Variants in CCDC171 observed in about 807,000 individuals in gnomAD.
CCDC171 encodes the protein coiled-coil domain-containing protein 171.
In CCDC171, 177 loss-of-function variants were observed where a neutral mutation model predicts 168.2. The ratio of observed to expected loss-of-function variants is 1.05; its 90% CI spans 0.93 to 1.19. The LOEUF is 1.19. Among genes scored for constraint, CCDC171 ranks in the 50% most tolerant of loss-of-function variants. The pLI is 0.00. For synonymous variants in CCDC171, 687 were observed against 540.8 expected (o/e 1.27, Z -3.75); for missense variants, 1,991 against 1,539.0 (o/e 1.29, Z -4.91).
intron 25 of CCDC171, among the ~76,000 whole-genome samples, chr9:15,950,387 A>G (rs1589224024): frequency 6.6e-6 from 1 of 152,186 alleles, no homozygotes; most frequent in South Asian, 2.1e-4. Context: ...AGGTCGGGTT[A>G]CCCACAAGAG....
At chr9:15,727,793 C>G in intron 14 of CCDC171, 76 bp from the exon 15 acceptor site, 1 of 1,084,004 alleles carries the variant, frequency 9.2e-7, no homozygotes, top group Non-Finnish European at 1.3e-6. Flanking sequence ...ATTAACTCTT[C>G]ACCATTAGTA....
At chr9:15,843,849 C>G (rs1023358001) in intron 21 of CCDC171, among the ~76,000 whole-genome samples, 1 of 152,066 alleles carries the variant, frequency 6.6e-6, no homozygotes, top group Admixed American at 6.6e-5. Flanking sequence ...AGCAGAAGGG[C>G]TTTGGGTGCT....
At chr9:15,620,493 G>A (rs977759179) in intron 6 of CCDC171, among the ~76,000 whole-genome samples, 1 of 152,188 alleles carries the variant, frequency 6.6e-6, no homozygotes, top group Non-Finnish European at 1.5e-5. Context: ...CTGAAGATGT[G>A]ACTGAATTGC....
upstream of CCDC171, among the ~76,000 whole-genome samples, chr9:16,041,338 A>G (rs1362672341): frequency 6.6e-6 from 1 of 152,208 alleles, no homozygotes; most frequent in African/African-American, 2.4e-5. Flanking sequence ...ATGCAGAGGA[A>G]ATAAAATGAA....
chr9:15,629,446 A>G (rs1221600385), intron 7 of CCDC171, among the ~76,000 whole-genome samples: 1 of 152,226 alleles, frequency 6.6e-6, no homozygotes, highest in East Asian at 1.9e-4. Context: ...GATCAAATGA[A>G]TGAAATGAAG....
intron 18 of CCDC171, among the ~76,000 whole-genome samples, chr9:15,754,253 C>T (rs988621237): frequency 6.6e-6 from 1 of 151,924 alleles, no homozygotes; most frequent in Non-Finnish European, 1.5e-5. Flanking sequence ...TTAAACAAAG[C>T]GGATTTGATT....
intron 3 of CCDC171, among the ~76,000 whole-genome samples, chr9:15,990,071 C>T (rs1214785204): frequency 1.3e-5 from 2 of 152,100 alleles, no homozygotes; most frequent in Non-Finnish European, 2.9e-5. Flanking sequence ...TCAGGAAATA[C>T]AGAGAACACC....
At chr9:15,817,882 G>C (rs1475534195) in intron 21 of CCDC171, among the ~76,000 whole-genome samples, 1 of 118,340 alleles carries the variant, frequency 8.5e-6, no homozygotes, top group Non-Finnish European at 1.9e-5. Flanking sequence ...ATCTGAGAAC[G>C]GGCAGACTGC....
intron 24 of CCDC171, among the ~76,000 whole-genome samples, chr9:15,915,478 A>C (rs934016237): frequency 1.3e-5 from 2 of 152,118 alleles, no homozygotes; most frequent in Admixed American, 6.6e-5. Flanking sequence ...TGCATCCTGA[A>C]ACTTTACTGA....
chr9:15,644,544 T>G lies in CCDC171; in HGVS notation c.823-12583T>G, dbSNP rs146062956. 9.6e-3 allele frequency among the ~76,000 whole-genome samples: 1,461 copies of G among 152,310 alleles called. 12 individuals carry two copies. The highest frequency in any genetic ancestry group is 0.015 in the Non-Finnish European group (1,036 of 68,026). On this transcript the variant is annotated intron_variant, in intron 7 of 25. Coordinates refer to ENST00000380701, the MANE Select transcript of CCDC171 (RefSeq NM_173550.4). ...CTGGAAAATCGGGTCACTCCCACCC[T>G]AATACTGCACTTTTCCAGTGGTCTT...
chr9:15,611,418 C>G (rs1178135766), intron 6 of CCDC171, among the ~76,000 whole-genome samples: 1 of 152,148 alleles, frequency 6.6e-6, no homozygotes, highest in Non-Finnish European at 1.5e-5. Context: ...TGAGAAGAAG[C>G]TCTTTGGATG....
intron 7 of CCDC171, among the ~76,000 whole-genome samples, chr9:15,637,717 G>A (rs2132451490): frequency 6.7e-6 from 1 of 149,310 alleles, no homozygotes; most frequent in Admixed American, 6.8e-5. Flanking sequence ...AGAACATGCG[G>A]TGTTTGGTTT....
chr9:15,875,706 T>A (rs1211207043), intron 24 of CCDC171: 1 of 152,026 alleles, frequency 6.6e-6, no homozygotes, highest in Admixed American at 6.6e-5. Flanking sequence ...GGAGCAATGT[T>A]AATTTTTTAT....
At chr9:15,875,957 A>G (rs922713108) in intron 24 of CCDC171, 2 of 152,152 alleles carry the variant, frequency 1.3e-5, no homozygotes, top group Non-Finnish European at 2.9e-5. Context: ...CATCATTACT[A>G]TGAATACAGT....
chr9:16,032,740 C>T (rs530698368), intron 6 of CCDC171, among the ~76,000 whole-genome samples: 1 of 152,246 alleles, frequency 6.6e-6, no homozygotes, highest in South Asian at 2.1e-4. Context: ...ACCTAGGCCT[C>T]CCAAAATGCT....
intron 6 of CCDC171, among the ~76,000 whole-genome samples, chr9:15,616,095 T>C (rs1004685951): frequency 2.0e-5 from 3 of 152,080 alleles, no homozygotes; most frequent in Admixed American, 1.3e-4. Flanking sequence ...GGATTACAGG[T>C]GTGTGCCACC....
the CCDC171 span, among the ~76,000 whole-genome samples, chr9:16,100,367 G>A: frequency 6.6e-6 from 1 of 152,138 alleles, no homozygotes; most frequent in East Asian, 1.9e-4. Context: ...CTCAGCTCAG[G>A]CAGCTACCTC....
intron 10 of CCDC171, among the ~76,000 whole-genome samples, chr9:15,688,707 C>G (rs1430470240): frequency 6.6e-6 from 1 of 152,124 alleles, no homozygotes; most frequent in Non-Finnish European, 1.5e-5. Context: ...TCCTCCTCAA[C>G]CTCAAGAAGA....
intron 23 of CCDC171, among the ~76,000 whole-genome samples, chr9:15,869,625 T>C (rs2061946113): frequency 6.6e-6 from 1 of 151,618 alleles, no homozygotes; most frequent in Admixed American, 6.6e-5. Flanking sequence ...CAGTATGCCT[T>C]TTCTACTTGT....
Sources: gnomAD v4.1 joint callset for allele counts (sites outside exome capture counted in the v4.1 genomes callset) on GRCh38, gnomAD v4.1.1 for gene constraint, MANE v1.5 for transcripts, NCBI Gene and HGNC (gene_info 2026-07-23, HGNC 2026-07-21) for gene names.